Variants in GAS2 observed in about 807,000 individuals in gnomAD.
GAS2 encodes the protein growth arrest specific 2, also known as growth arrest-specific protein 2.
In GAS2, 20 loss-of-function variants were observed where a neutral mutation model predicts 37.5. That is an observed-to-expected ratio of 0.53 (90% CI 0.37 to 0.77). GAS2 has a LOEUF of 0.77. Ranked by LOEUF, GAS2 falls within the 30% of genes least tolerant of loss-of-function variation. GAS2 has a pLI of 0.00. For missense variants in GAS2, 336 were observed against 373.4 expected (o/e 0.90, Z 0.82); for synonymous variants, 144 against 132.2 (o/e 1.09, Z -0.61).
At chr11:22,735,715 G>A (rs1287175445) in intron 4 of GAS2, among the ~76,000 whole-genome samples, 1 of 151,874 alleles carries the variant, frequency 6.6e-6, no homozygotes, top group African/African-American at 2.4e-5. Flanking sequence ...AATATGTACA[G>A]TAAGTTGGTT....
chr11:22,755,924 C>G lies in GAS2; in HGVS notation c.694C>G (p.Arg232Gly). 1.2e-6 allele frequency: 2 copies of G among 1,611,580 alleles called. No homozygotes were observed. The highest frequency in any genetic ancestry group is 1.7e-6 in the Non-Finnish European group (2 of 1,178,154). The change falls in exon 7 of 8, where the codon CGA (arginine) becomes GGA (glycine). Residue 232 changes from arginine to glycine, a missense_variant. By Grantham distance (125) the Arg-to-Gly change is moderately radical. Transcript: ENST00000454584. The stretch of plus-strand genomic sequence containing the variant: ...GGAGCGGCTCTCCCAAGGAAGATAC[C>G]GAGTGGGAGAAAAGATCCTCTTCAT... ...CVERLSQGRY[R>G]VGEKILFIRM...
chr11:22,652,639 G>T (rs940557795), intron 1 of GAS2, among the ~76,000 whole-genome samples: 1 of 152,242 alleles, frequency 6.6e-6, no homozygotes, highest in Non-Finnish European at 1.5e-5. Flanking sequence ...TGTGTTTTAA[G>T]CCCGTGGGAA....
rs1220243878 is a variant in GAS2, at chr11:22,649,796, A to T, written c.-21+23983A>T. On this transcript the variant is annotated intron_variant, in intron 1 of 5. Transcript: ENST00000528582. ...TATCATTTTTTATTGCGTCTATTTG[A>T]TTCTTCTCTCTTTTTTTCTTTATTA... 2.0e-5 allele frequency among the ~76,000 whole-genome samples: 3 copies of T among 150,786 alleles called. No individual in the cohort carries two copies. In the South Asian group the frequency reaches 6.3e-4, roughly 32 times the overall value.
At chr11:22,784,811 T>C (rs1012171155) in intron 7 of GAS2, among the ~76,000 whole-genome samples, 15 of 152,192 alleles carry the variant, frequency 9.9e-5, no homozygotes, top group African/African-American at 3.6e-4. Flanking sequence ...CTTTCATTTC[T>C]GAGACATTTC....
chr11:22,764,270 A>G (rs1375718905), intron 7 of GAS2, among the ~76,000 whole-genome samples: 1 of 152,186 alleles, frequency 6.6e-6, no homozygotes. Flanking sequence ...TTAAAAAAGC[A>G]AGAAAGACGG....
At chr11:22,639,068 A>G (rs1403855971) in intron 1 of GAS2, among the ~76,000 whole-genome samples, 2 of 152,174 alleles carry the variant, frequency 1.3e-5, no homozygotes, top group Non-Finnish European at 2.9e-5. Context: ...AGAGATTTCT[A>G]GTAGAAACTT....
chr11:22,685,887 G>A (rs1849918604), intron 3 of GAS2, 98 bp downstream of exon 3: 1 of 1,185,152 alleles, frequency 8.4e-7, no homozygotes, highest in Non-Finnish European at 1.2e-6. Flanking sequence ...GTGAACGGAT[G>A]CATCAAGGTC....
intron 3 of GAS2, 28 bp downstream of exon 3, chr11:22,685,817 C>A: frequency 6.3e-7 from 1 of 1,590,088 alleles, no homozygotes; most frequent in Non-Finnish European, 8.5e-7. Flanking sequence ...AAAAATCACT[C>A]TTAGGTGGTA....
intron 7 of GAS2, among the ~76,000 whole-genome samples, chr11:22,772,075 A>G (rs1855006779): frequency 6.6e-6 from 1 of 152,230 alleles, no homozygotes; most frequent in South Asian, 2.1e-4. Context: ...GTGTCATACA[A>G]GATACAAGTA....
chr11:22,683,053 A>G (rs187636252), intron 2 of GAS2, among the ~76,000 whole-genome samples: 1 of 152,198 alleles, frequency 6.6e-6, no homozygotes, highest in East Asian at 1.9e-4. Flanking sequence ...TGTGGTGAGT[A>G]TTTAAAGCTA....
chr11:22,677,309 A>G (rs1849474063), intron 2 of GAS2, among the ~76,000 whole-genome samples: 1 of 152,152 alleles, frequency 6.6e-6, no homozygotes, highest in South Asian at 2.1e-4. Context: ...CGAGGAGGGA[A>G]GGGCATGTGT....
chr11:22,749,636 A>G (rs1853621576), intron 6 of GAS2, among the ~76,000 whole-genome samples: 1 of 152,038 alleles, frequency 6.6e-6, no homozygotes, highest in Non-Finnish European at 1.5e-5. Flanking sequence ...TAAATGTATG[A>G]TAGAGAAGTT....
chr11:22,671,054 T>C (rs1315037763), intron 1 of GAS2, among the ~76,000 whole-genome samples: 2 of 152,142 alleles, frequency 1.3e-5, no homozygotes, highest in Non-Finnish European at 2.9e-5. Flanking sequence ...AAAACTATGA[T>C]GTCTTCAGCT....
chr11:22,720,073 T>C (rs548436468), intron 3 of GAS2, among the ~76,000 whole-genome samples: 1 of 152,242 alleles, frequency 6.6e-6, no homozygotes, highest in Non-Finnish European at 1.5e-5. Flanking sequence ...GCTGTACTTA[T>C]TTGCCAACTT....
At chr11:22,676,383 C>T (rs1849429675) in intron 2 of GAS2, among the ~76,000 whole-genome samples, 1 of 152,026 alleles carries the variant, frequency 6.6e-6, no homozygotes, top group Non-Finnish European at 1.5e-5. Flanking sequence ...TAAATTTGAG[C>T]TATCAGTTTT....
chr11:22,724,110 T>G (rs1391434146), intron 3 of GAS2, among the ~76,000 whole-genome samples: 1 of 151,956 alleles, frequency 6.6e-6, no homozygotes, highest in Non-Finnish European at 1.5e-5. Flanking sequence ...CACAACATAT[T>G]TACCTGCAAT....
At chr11:22,698,275 T>C (rs1850644553) in intron 3 of GAS2, among the ~76,000 whole-genome samples, 1 of 152,066 alleles carries the variant, frequency 6.6e-6, no homozygotes, top group African/African-American at 2.4e-5. Context: ...CTTGAAGAAA[T>C]GGATAAATTC....
intron 3 of GAS2, among the ~76,000 whole-genome samples, chr11:22,718,232 C>T (rs552058318): frequency 7.6e-4 from 116 of 151,672 alleles, no homozygotes; most frequent in African/African-American, 2.5e-3. Context: ...TATCCATCAA[C>T]TAATAAGTAG....
chr11:22,668,518 G>A lies in GAS2; in HGVS notation c.-21+1619G>A, dbSNP rs190163435. Reference sequence around the variant, plus strand: ...CTAAACACTATGCTGTGGTGTTATGGACTGTGCTTTACTGGGAAATAAGTT... The same window carrying A: ...CTAAACACTATGCTGTGGTGTTATGAACTGTGCTTTACTGGGAAATAAGTT... On this transcript the variant is annotated intron_variant, in intron 1 of 7. Coordinates refer to ENST00000454584, the MANE Select transcript of GAS2 (RefSeq NM_001143830.3). Among the ~76,000 whole-genome samples the A allele has an allele frequency of 2.4e-3, 355 of 148,784 alleles. 1 individual carries two copies. Among genetic ancestry groups the A allele is most frequent in the Admixed American group, 4.5e-3 (67 of 14,912 alleles).
Sources: allele counts gnomAD v4.1 joint callset (sites outside exome capture counted in the v4.1 genomes callset), GRCh38; gene constraint gnomAD v4.1.1; transcripts MANE v1.5; gene names NCBI Gene and HGNC (gene_info 2026-07-23, HGNC 2026-07-21).